The following SCARA5 variants were observed in gnomAD, a reference collection of about 807,000 sequenced individuals.
The protein encoded by SCARA5 is scavenger receptor class A, member 5 (putative).
A neutral mutation model predicts 46.3 loss-of-function variants in SCARA5; 45 were observed. The ratio of observed to expected loss-of-function variants is 0.97; its 90% CI spans 0.76 to 1.24. SCARA5 has a LOEUF of 1.24. Among genes scored for constraint, SCARA5 ranks in the 50% most tolerant of loss-of-function variants. The probability of loss-of-function intolerance (pLI) is 0.00; values close to 1 mark genes in which losing one functional copy is unlikely to be tolerated. For missense variants in SCARA5, 680 were observed against 689.0 expected (o/e 0.99, Z 0.15); for synonymous variants, 333 against 306.5 (o/e 1.09, Z -0.90).
intron 7 of SCARA5, among the ~76,000 whole-genome samples, chr8:27,894,078 G>A (rs900511164): frequency 2.0e-5 from 3 of 152,258 alleles, no homozygotes; most frequent in Non-Finnish European, 4.4e-5. Flanking sequence ...AAAAAGAGGA[G>A]AGAATGATTA....
chr8:27,982,419 G>A (rs1029445360), intron 2 of SCARA5, among the ~76,000 whole-genome samples: 1 of 152,120 alleles, frequency 6.6e-6, no homozygotes, highest in Admixed American at 6.5e-5. Flanking sequence ...CCAGATCACC[G>A]GTGCCTGGGG....
chr8:27,964,822 A>G (rs958010270), intron 3 of SCARA5, among the ~76,000 whole-genome samples: 1 of 151,374 alleles, frequency 6.6e-6, no homozygotes, highest in African/African-American at 2.4e-5. Context: ...CCAGACCCCC[A>G]TCTGTCACCT....
chr8:27,949,253 A>G (rs1808085556), intron 3 of SCARA5, among the ~76,000 whole-genome samples: 1 of 152,382 alleles, frequency 6.6e-6, no homozygotes, highest in Non-Finnish European at 1.5e-5. Flanking sequence ...GGGGAACAGC[A>G]GGGATTAGTG....
At position 27,967,482 on chromosome 8, in the gene SCARA5, T is replaced by C. The variant is rs569855060; in HGVS notation, c.113-940A>G. On this transcript the variant is annotated intron_variant, in intron 2 of 8. Transcript: ENST00000354914. Reference sequence around the variant, plus strand: ...GAAAGAAGGGATCCTCTCCCTGATGTTAGCAGGGCATGTAGGAATCACTGG... The same window carrying C: ...GAAAGAAGGGATCCTCTCCCTGATGCTAGCAGGGCATGTAGGAATCACTGG... 2.0e-5 allele frequency among the ~76,000 whole-genome samples: 3 copies of C among 152,308 alleles called. No homozygotes were observed. In the South Asian group the frequency reaches 6.2e-4, roughly 32 times the overall value.
chr8:27,934,687 T>C (rs1807827490), intron 3 of SCARA5, among the ~76,000 whole-genome samples: 2 of 152,198 alleles, frequency 1.3e-5, no homozygotes, highest in Non-Finnish European at 2.9e-5. Flanking sequence ...CTTCCTTGCA[T>C]TAACCACTCT....
At chr8:27,884,470 G>A (rs1405385348) in intron 7 of SCARA5, among the ~76,000 whole-genome samples, 3 of 152,234 alleles carry the variant, frequency 2.0e-5, no homozygotes, top group African/African-American at 7.2e-5. Flanking sequence ...GTTTCTCACA[G>A]ACCTGCCTCA....
At chr8:27,973,216 C>T (rs1382224044) in intron 2 of SCARA5, among the ~76,000 whole-genome samples, 1 of 152,120 alleles carries the variant, frequency 6.6e-6, no homozygotes, top group Non-Finnish European at 1.5e-5. Context: ...GTGGCTCATG[C>T]TTGTAATCAC....
chr8:27,913,632 T>C (rs1449396045), intron 4 of SCARA5, among the ~76,000 whole-genome samples: 1 of 152,244 alleles, frequency 6.6e-6, no homozygotes, highest in Non-Finnish European at 1.5e-5. Flanking sequence ...CCTTATGGCC[T>C]GGCTCTGGCC....
chr8:27,908,914 T>A (rs915654179), intron 5 of SCARA5: 2 of 152,192 alleles, frequency 1.3e-5, no homozygotes, highest in African/African-American at 2.4e-5. Flanking sequence ...AGGAAGCAGA[T>A]GGTTTGGAGG....
chr8:27,947,275 G>A (rs1808053198), intron 3 of SCARA5, among the ~76,000 whole-genome samples: 1 of 152,174 alleles, frequency 6.6e-6, no homozygotes. Flanking sequence ...GGCTCCCAAA[G>A]TGCTGGGATT....
intron 3 of SCARA5, among the ~76,000 whole-genome samples, chr8:27,940,138 G>A (rs1357894201): frequency 6.6e-6 from 1 of 152,224 alleles, no homozygotes; most frequent in Non-Finnish European, 1.5e-5. Flanking sequence ...GCTTTCGGTT[G>A]GAGCAGCATA....
Position 27,870,214 on chromosome 8 carries a change from G to GTTTTTTTTTTTTTTTTTTTTTTTTTTTA in SCARA5, c.*1719_*1720insTAAAAAAAAAAAAAAAAAAAAAAAAAAA, listed in dbSNP as rs11321344. 7.7e-6 allele frequency: 1 copy of GTTTTTTTTTTTTTTTTTTTTTTTTTTTA among 129,934 alleles called. No homozygotes were observed. Among genetic ancestry groups the GTTTTTTTTTTTTTTTTTTTTTTTTTTTA allele is most frequent in the Non-Finnish European group, 1.6e-5 (1 of 61,234 alleles). The allele number at this position is 129,934 out of a possible 1,614,324, so 8.0% of individuals were successfully genotyped here. A position where few individuals can be genotyped will look rare whatever the true frequency, so the allele number is the denominator to read the frequency against. ...TTCAATGTGGCATCTTTCACCTTTA[G>GTTTTTTTTTTTTTTTTTTTTTTTTTTTA]TTTTTTTTTTTTTTTTTTTTTAACT... On this transcript the variant is annotated 3_prime_UTR_variant, in exon 9 of 9. Coordinates refer to ENST00000354914, the MANE Select transcript of SCARA5 (RefSeq NM_173833.6).
intron 3 of SCARA5, among the ~76,000 whole-genome samples, chr8:27,964,979 C>G (rs1406545404): frequency 1.3e-5 from 2 of 152,234 alleles, no homozygotes; most frequent in African/African-American, 4.8e-5. Flanking sequence ...ATCCCAAGCT[C>G]TCACCAAGCA....
rs1474574802 is a variant in SCARA5 at position 27,922,066 on chromosome 8, C to CCAGCAA, written c.415_420dup (p.Leu139_Leu140dup). 4.4e-6 allele frequency: 7 copies of CCAGCAA among 1,592,894 alleles called. No homozygotes were observed. The East Asian group carries it at 1.4e-4, about 31-fold the overall frequency. ...AGCCGCTGCACTGCGCCCGCCAGCG[C>CCAGCAA]CAGCAACGAGTCTGACTGGTTCTGC... On this transcript the variant is annotated inframe_insertion, in exon 4 of 9. Coordinates refer to ENST00000354914, the MANE Select transcript of SCARA5 (RefSeq NM_173833.6).
chr8:27,935,759 C>A (rs1187731589), intron 3 of SCARA5, among the ~76,000 whole-genome samples: 1 of 152,080 alleles, frequency 6.6e-6, no homozygotes, highest in Non-Finnish European at 1.5e-5. Context: ...CCATTCCCAG[C>A]AGATAGGGGG....
At chr8:27,929,817 C>G (rs1381090311) in intron 3 of SCARA5, among the ~76,000 whole-genome samples, 1 of 152,118 alleles carries the variant, frequency 6.6e-6, no homozygotes, top group Non-Finnish European at 1.5e-5. Context: ...TTTACTCTTC[C>G]CAGCACACTT....
intron 4 of SCARA5, among the ~76,000 whole-genome samples, chr8:27,915,382 C>T (rs944395365): frequency 2.0e-5 from 3 of 152,154 alleles, no homozygotes; most frequent in South Asian, 4.1e-4. Context: ...CAGCAGAGTC[C>T]GTGTGGAAGG....
At position 27,871,946 on chromosome 8, in the gene SCARA5, G is replaced by A. The variant is rs201544820; in HGVS notation, c.1476C>T (p.Cys492=). 11 of 1,614,180 alleles carry A rather than the reference G, an allele frequency of 6.8e-6. No individual in the cohort carries two copies. The highest frequency in any genetic ancestry group is 9.3e-6 in the Non-Finnish European group (11 of 1,180,052). Residue 492 remains cysteine, a synonymous_variant, in exon 9 of 9, where the codon TGC becomes TGT. Transcript: ENST00000354914. ...CGHAEDASVT[C]NRH ...GCTCTGCCCACTTTCAGTGTCTGTTGCATGTCACGCTGGCATCTTCGGCAT... is the reference window on the plus strand; with the variant it reads ...GCTCTGCCCACTTTCAGTGTCTGTTACATGTCACGCTGGCATCTTCGGCAT...
intron 4 of SCARA5, among the ~76,000 whole-genome samples, chr8:27,912,745 C>A (rs1048628849): frequency 6.6e-6 from 1 of 152,208 alleles, no homozygotes; most frequent in Non-Finnish European, 1.5e-5. Context: ...CCAATTTCAC[C>A]TGCCCCTCAG....
Sources: allele counts gnomAD v4.1 joint callset (sites outside exome capture counted in the v4.1 genomes callset), GRCh38; gene constraint gnomAD v4.1.1; transcripts MANE v1.5; gene names NCBI Gene and HGNC (gene_info 2026-07-23, HGNC 2026-07-21).